The following PDE1C variants were observed in gnomAD, a reference collection of about 807,000 sequenced individuals.
PDE1C encodes phosphodiesterase 1C, also known as dual specificity calcium/calmodulin-dependent 3',5'-cyclic nucleotide phosphodiesterase 1C.
A neutral mutation model predicts 93.1 loss-of-function variants in PDE1C; 62 were observed. The ratio of observed to expected loss-of-function variants is 0.67; its 90% CI spans 0.54 to 0.82. The LOEUF (loss-of-function observed/expected upper bound fraction) is 0.82. Ranked by LOEUF, PDE1C falls within the 40% of genes least tolerant of loss-of-function variation. The pLI is 0.00. For missense variants in PDE1C, 742 were observed against 884.6 expected (o/e 0.84, Z 2.04); for synonymous variants, 325 against 310.1 (o/e 1.05, Z -0.50).
At chr7:32,188,975 C>T (rs1339871932) in intron 2 of PDE1C, among the ~76,000 whole-genome samples, 1 of 152,140 alleles carries the variant, frequency 6.6e-6, no homozygotes, top group Admixed American at 6.5e-5. Flanking sequence ...CAATGCATAA[C>T]CCAAGCCTAA....
chr7:31,770,169 G>C (rs1795393339), intron 17 of PDE1C, among the ~76,000 whole-genome samples: 1 of 152,108 alleles, frequency 6.6e-6, no homozygotes, highest in South Asian at 2.1e-4. Flanking sequence ...TAATAATGTT[G>C]AATATCTTTT....
At chr7:32,307,123 G>A (rs980651751) in intron 1 of PDE1C, among the ~76,000 whole-genome samples, 1 of 152,174 alleles carries the variant, frequency 6.6e-6, no homozygotes, top group African/African-American at 2.4e-5. Context: ...TGTGCAGATA[G>A]TTTGCATCTG....
At chr7:32,380,703 C>G (rs912328599) in intron 1 of PDE1C, among the ~76,000 whole-genome samples, 36 of 152,232 alleles carry the variant, frequency 2.4e-4, no homozygotes, top group Non-Finnish European at 3.8e-4. Flanking sequence ...ATCTCCACCC[C>G]CTTCTGGAAA....
At chr7:32,396,708 A>G (rs1460878765) in intron 1 of PDE1C, among the ~76,000 whole-genome samples, 1 of 152,204 alleles carries the variant, frequency 6.6e-6, no homozygotes, top group Non-Finnish European at 1.5e-5. Context: ...AACTTTGTGT[A>G]TGTTTGTTAT....
the PDE1C span, among the ~76,000 whole-genome samples, chr7:31,646,513 A>G: frequency 6.6e-6 from 1 of 152,166 alleles, no homozygotes; most frequent in South Asian, 2.1e-4. Flanking sequence ...TAAGGACATT[A>G]TTCAGAATAG....
intron 3 of PDE1C, among the ~76,000 whole-genome samples, chr7:32,088,991 C>A (rs1216001103): frequency 6.6e-6 from 1 of 152,172 alleles, no homozygotes; most frequent in Non-Finnish European, 1.5e-5. Flanking sequence ...CACTGGGACC[C>A]ATGGCTGACA....
chr7:31,812,059 G>T (rs958396658), intron 15 of PDE1C, among the ~76,000 whole-genome samples: 3 of 152,082 alleles, frequency 2.0e-5, no homozygotes, highest in African/African-American at 7.2e-5. Flanking sequence ...AATAAACAAG[G>T]GGAAGTGAAA....
At chr7:32,335,052 T>C (rs1209594593) in intron 1 of PDE1C, among the ~76,000 whole-genome samples, 2 of 152,220 alleles carry the variant, frequency 1.3e-5, no homozygotes, top group African/African-American at 4.8e-5. Context: ...ATTTTGCCCA[T>C]GCATGTGAAA....
chr7:32,007,029 T>A (rs774016180), intron 2 of PDE1C, among the ~76,000 whole-genome samples: 1 of 152,246 alleles, frequency 6.6e-6, no homozygotes, highest in Non-Finnish European at 1.5e-5. Flanking sequence ...CATAGTCCTA[T>A]GTCTTCCAAG....
At chr7:31,806,949 TA>T (rs1337375592) in intron 16 of PDE1C, among the ~76,000 whole-genome samples, 1 of 151,988 alleles carries the variant, frequency 6.6e-6, no homozygotes, top group East Asian at 1.9e-4. Context: ...ATTTCCTTTT[TA>T]AATTTTTCTG....
intron 1 of PDE1C, among the ~76,000 whole-genome samples, chr7:32,369,586 T>A (rs1784287541): frequency 6.6e-6 from 1 of 152,200 alleles, no homozygotes; most frequent in Admixed American, 6.5e-5. Flanking sequence ...TGGAGGCTCC[T>A]TTAAAAAGCT....
At chr7:32,331,126 C>T (rs186454300) in intron 1 of PDE1C, among the ~76,000 whole-genome samples, 4 of 152,254 alleles carry the variant, frequency 2.6e-5, no homozygotes, top group Non-Finnish European at 5.9e-5. Flanking sequence ...AGCAACAAAC[C>T]CTTCTTTGAA....
At chr7:32,018,647 T>C (rs920191979) in intron 2 of PDE1C, among the ~76,000 whole-genome samples, 2 of 152,150 alleles carry the variant, frequency 1.3e-5, no homozygotes, top group African/African-American at 2.4e-5. Flanking sequence ...GATTAGTGGT[T>C]GTGTAGAGTT....
At chr7:32,224,994 T>G (rs1807147776) in intron 1 of PDE1C, among the ~76,000 whole-genome samples, 3 of 151,450 alleles carry the variant, frequency 2.0e-5, no homozygotes, top group Admixed American at 6.6e-5. Context: ...GGCATCTGAT[T>G]GGACCTTCAG....
At chr7:32,382,404 C>T (rs1345151954) in intron 1 of PDE1C, among the ~76,000 whole-genome samples, 1 of 152,136 alleles carries the variant, frequency 6.6e-6, no homozygotes, top group Non-Finnish European at 1.5e-5. Context: ...TCTTGGCCCC[C>T]CTACCTTGTA....
intron 9 of PDE1C, among the ~76,000 whole-genome samples, chr7:31,846,972 C>T (rs1425022703): frequency 6.6e-6 from 1 of 152,054 alleles, no homozygotes; most frequent in South Asian, 2.1e-4. Flanking sequence ...TCTCTAAATC[C>T]TTGAAAGATG....
intron 16 of PDE1C, among the ~76,000 whole-genome samples, chr7:31,806,040 T>C (rs901694732): frequency 6.6e-6 from 1 of 151,902 alleles, no homozygotes; most frequent in African/African-American, 2.4e-5. Context: ...ATTCATAGAC[T>C]GTCTTGCCGA....
intron 9 of PDE1C, among the ~76,000 whole-genome samples, chr7:31,839,069 A>G (rs1361505010): frequency 6.7e-6 from 1 of 148,322 alleles, no homozygotes; most frequent in African/African-American, 2.5e-5. Context: ...CATATTTATT[A>G]TATACATACA....
chr7:31,928,565 TCTAA>T (rs1803713163), intron 2 of PDE1C, among the ~76,000 whole-genome samples: 1 of 152,170 alleles, frequency 6.6e-6, no homozygotes, highest in Non-Finnish European at 1.5e-5. Flanking sequence ...GGGATGCCCA[TCTAA>T]CTAACAGTGG....
Sources: gnomAD v4.1 joint callset for allele counts (sites outside exome capture counted in the v4.1 genomes callset) on GRCh38, gnomAD v4.1.1 for gene constraint, MANE v1.5 for transcripts, NCBI Gene and HGNC (gene_info 2026-07-23, HGNC 2026-07-21) for gene names.